TADA3: variants seen among roughly 807,000 people sequenced by gnomAD.
TADA3 encodes the protein transcriptional adaptor 3, also known as transcriptional adapter 3.
In TADA3, 25 loss-of-function variants were observed where a neutral mutation model predicts 43.2. The observed-to-expected ratio is 0.58, with a 90% CI of 0.42 to 0.81. TADA3 has a LOEUF of 0.81. Among genes scored for constraint, TADA3 ranks in the 30% least tolerant of loss-of-function variants. The pLI is 0.00. For synonymous variants in TADA3, 235 were observed against 225.5 expected (o/e 1.04, Z -0.38); for missense variants, 441 against 567.8 (o/e 0.78, Z 2.27).
chr3:9,782,580 G>C (rs1458908227), intron 8 of TADA3, among the ~76,000 whole-genome samples: 2 of 152,202 alleles, frequency 1.3e-5, no homozygotes, highest in Admixed American at 6.5e-5. Flanking sequence ...CAAGTCCCTT[G>C]CTCTGCCTCT....
chr3:9,789,752 A>G lies in TADA3; in HGVS notation c.419T>C (p.Ile140Thr), dbSNP rs1286435409. The change falls in exon 3 of 9, where the codon ATC becomes ACC. Residue 140 changes from isoleucine (I) to threonine (T), a missense_variant. Transcript: ENST00000301964. The part of the protein sequence containing the change: ...IQEYEFTDDP[I>T]DVPRIPKNDA... ...ATTTTTGGGGATCCGTGGCACGTCG[A>G]TAGGGTCATCAGTGAATTCATATTC... 6 of 1,614,038 alleles carry G rather than the reference A, an allele frequency of 3.7e-6. No individual in the cohort carries two copies. In the East Asian group the frequency reaches 1.1e-4, roughly 30 times the overall value.
Position 9,791,256 on chromosome 3 carries a change from T to A in TADA3, c.207+4A>T. 1.2e-5 allele frequency: 20 copies of A among 1,610,402 alleles called. No individual in the cohort carries two copies. The highest frequency in any genetic ancestry group is 1.6e-5 in the Non-Finnish European group (19 of 1,178,816). On this transcript the variant is annotated splice_donor_region_variant and intron_variant, in intron 2 of 8. Transcript: ENST00000301964. ...TGGTGCTGGCCCCTCTCTGGGGTTA[T>A]CACCTGGGTTTCGGCCTCAAGCACA...
Position 9,780,317 on chromosome 3 carries a change from T to TCCC in TADA3, c.*37_*39dup. The TCCC allele has an allele frequency of 6.4e-7, 1 of 1,562,148 alleles. No individual in the cohort carries two copies. Among genetic ancestry groups the TCCC allele is most frequent in the Non-Finnish European group, 8.7e-7 (1 of 1,153,442 alleles). On this transcript the variant is annotated 3_prime_UTR_variant, in exon 9 of 9. Transcript: ENST00000301964. ...AGAAGGAAGTGGGCCTCCCTTCCCC[T>TCCC]CCCCTAGGCCAGATAATCAGCCTGA... is the stretch of plus-strand genomic sequence containing the variant.
Position 9,785,433 on chromosome 3 carries a change from A to G in TADA3, c.811-8T>C, listed in dbSNP as rs781235660. On this transcript the variant is annotated splice_region_variant and splice_polypyrimidine_tract_variant and intron_variant, in intron 6 of 8. Coordinates refer to ENST00000301964, the MANE Select transcript of TADA3 (RefSeq NM_006354.5). ...AGGGGAAATAATATTTTCCTAGAAGACCACAAAAATGAGTGGAAGGAAAAA... is the reference window on the plus strand; with the variant it reads ...AGGGGAAATAATATTTTCCTAGAAGGCCACAAAAATGAGTGGAAGGAAAAA... The G allele has an allele frequency of 1.3e-6, 2 of 1,598,554 alleles. No individual in the cohort carries two copies. The highest frequency in any genetic ancestry group is 2.7e-5 in the African/African-American group (2 of 74,668).
upstream of TADA3, chr3:9,792,491 T>C (rs1244165913): frequency 5.0e-6 from 6 of 1,209,276 alleles, no homozygotes; most frequent in East Asian, 1.7e-4. Flanking sequence ...GGCGGGCCCC[T>C]TGCAGTTGAC....
Position 9,791,489 on chromosome 3 carries a change from T to C in TADA3, c.-23A>G, listed in dbSNP as rs2078731648. The C allele has an allele frequency of 1.3e-6, 2 of 1,576,504 alleles. 1 individual carries two copies. Among genetic ancestry groups the C allele is most frequent in the East Asian group, 4.5e-5 (2 of 44,390 alleles). The stretch of plus-strand genomic sequence containing the variant: ...CATGGCCCAGGATATGGGGATCCTG[T>C]GGAGCTGGAGAGGACAGGGCCATTG... On this transcript the variant is annotated 5_prime_UTR_variant, in exon 2 of 9. Coordinates refer to ENST00000301964, the MANE Select transcript of TADA3 (RefSeq NM_006354.5).
At chr3:9,781,396 T>C in intron 8 of TADA3, 1 of 421,814 alleles carries the variant, frequency 2.4e-6, no homozygotes, top group South Asian at 1.6e-5. Flanking sequence ...CTATTATTCA[T>C]ATGTTACCCG....
chr3:9,789,681 GA>G (rs1559720969), intron 3 of TADA3, 31 bp downstream of exon 3: 25 of 1,609,250 alleles, frequency 1.6e-5, no homozygotes, highest in Non-Finnish European at 2.0e-5. Context: ...CCAGAACCTT[GA>G]GGCCCCCTTC....
chr3:9,792,445 C>T lies in TADA3; in HGVS notation c.-257G>A. 8.8e-7 allele frequency: 1 copy of T among 1,134,272 alleles called. No individual in the cohort carries two copies. The highest frequency in any genetic ancestry group is 1.1e-6 in the Non-Finnish European group (1 of 922,740). 70.3% of individuals were successfully genotyped at this position (1,134,272 alleles called of 1,614,324 possible). A position where few individuals can be genotyped will look rare whatever the true frequency, so the allele number is the denominator to read the frequency against. Reference sequence around the variant, plus strand: ...GGCCGCGGGAGGGGGCGGGGAGTTCCGGTCGATGTGAGCAACCGCCCCGGA... The same window carrying T: ...GGCCGCGGGAGGGGGCGGGGAGTTCTGGTCGATGTGAGCAACCGCCCCGGA... On this transcript the variant is annotated 5_prime_UTR_variant, in exon 1 of 9. Coordinates refer to ENST00000301964, the MANE Select transcript of TADA3 (RefSeq NM_006354.5).
At chr3:9,789,307 G>A (rs1366304969) in intron 4 of TADA3, among the ~76,000 whole-genome samples, 2 of 152,196 alleles carry the variant, frequency 1.3e-5, no homozygotes. Flanking sequence ...AGGGCGTGTT[G>A]ACATTTGGCT....
intron 2 of TADA3, 85 bp downstream of exon 2, chr3:9,791,175 C>A (rs781426964): frequency 4.8e-5 from 67 of 1,386,726 alleles, no homozygotes; most frequent in Non-Finnish European, 6.6e-5. Context: ...TACCCCAAGT[C>A]TCAGCATATG....
intron 8 of TADA3, chr3:9,781,660 G>A (rs2078469157): frequency 2.3e-6 from 1 of 435,552 alleles, no homozygotes; most frequent in Admixed American, 2.4e-5. Context: ...TTTCATCGAT[G>A]GTGGAGCTGG....
At chr3:9,792,747 G>A (rs1046455227), upstream of TADA3, 1 of 1,243,690 alleles carries the variant, frequency 8.0e-7, no homozygotes, top group Non-Finnish European at 1.0e-6. Flanking sequence ...AGAACCGGAA[G>A]AAACGAAGGG....
chr3:9,783,915 A>T, intron 8 of TADA3, 113 bp downstream of exon 8: 2 of 1,418,556 alleles, frequency 1.4e-6, no homozygotes, highest in Admixed American at 2.7e-5. Context: ...TCTCCAGGTG[A>T]TTTAGAGGCC....
chr3:9,790,894 G>A lies in TADA3; in HGVS notation c.207+366C>T, dbSNP rs139335527. Among the ~76,000 whole-genome samples the A allele has an allele frequency of 2.6e-3, 396 of 152,292 alleles. 1 individual carries two copies. The highest frequency in any genetic ancestry group is 9.2e-3 in the African/African-American group (383 of 41,556). The stretch of plus-strand genomic sequence containing the variant: ...CAGGTTTCCCCATTCCAGTTCCCTA[G>A]GACTGCTAACCACAACATCACATCA... On this transcript the variant is annotated intron_variant, in intron 2 of 8. Transcript: ENST00000301964.
At position 9,785,455 on chromosome 3, in the gene TADA3, A is replaced by G. The variant is rs191487285; in HGVS notation, c.811-30T>C. 28 of 1,476,300 alleles carry G rather than the reference A, an allele frequency of 1.9e-5. No homozygotes were observed. In the East Asian group the frequency reaches 6.4e-4, roughly 34 times the overall value. 91.5% of individuals were successfully genotyped at this position (1,476,300 alleles called of 1,614,324 possible). A position where few individuals can be genotyped will look rare whatever the true frequency, so the allele number is the denominator to read the frequency against. On this transcript the variant is annotated intron_variant, in intron 6 of 8. Coordinates refer to ENST00000301964, the MANE Select transcript of TADA3 (RefSeq NM_006354.5). ...AAGACCACAAAAATGAGTGGAAGGA[A>G]AAATAGCTGTTCCACTTTCCTGCTC...
chr3:9,785,494 A>G, intron 6 of TADA3, 69 bp from the exon 7 acceptor site: 1 of 1,050,798 alleles, frequency 9.5e-7, no homozygotes, highest in Non-Finnish European at 1.4e-6. Flanking sequence ...TCTGACCTAC[A>G]CTGACAGTCT....
At chr3:9,786,247 C>T (rs73113558) in intron 6 of TADA3, among the ~76,000 whole-genome samples, 1 of 152,202 alleles carries the variant, frequency 6.6e-6, no homozygotes, top group African/African-American at 2.4e-5. Context: ...CCTCCTTGCT[C>T]TTATTCTGTG....
At chr3:9,782,194 C>T (rs572688069) in intron 8 of TADA3, among the ~76,000 whole-genome samples, 1 of 152,310 alleles carries the variant, frequency 6.6e-6, no homozygotes, top group East Asian at 1.9e-4. Context: ...TCCTCTCTCT[C>T]CCTCTGCTTC....
Sources: allele counts gnomAD v4.1 joint callset (sites outside exome capture counted in the v4.1 genomes callset), GRCh38; gene constraint gnomAD v4.1.1; transcripts MANE v1.5; gene names NCBI Gene and HGNC (gene_info 2026-07-23, HGNC 2026-07-21).